Variants in GGT1 observed in about 807,000 individuals in gnomAD.
GGT1 encodes the protein glutathione hydrolase 1 proenzyme.
GGT1 carries 21 observed loss-of-function variants against 56.0 expected under a neutral mutation model. The observed-to-expected ratio is 0.38, with a 90% CI of 0.27 to 0.54. The LOEUF (loss-of-function observed/expected upper bound fraction) is 0.54. Ranked by LOEUF, GGT1 falls within the 20% of genes least tolerant of loss-of-function variation. The probability of loss-of-function intolerance (pLI) is 0.82; values close to 1 mark genes in which losing one functional copy is unlikely to be tolerated. For missense variants in GGT1, 466 were observed against 787.0 expected (o/e 0.59, Z 4.88); for synonymous variants, 238 against 342.6 (o/e 0.69, Z 3.37).
chr22:24,616,914 G>C (rs6004200), intron 7 of GGT1, among the ~76,000 whole-genome samples: 1 of 152,256 alleles, frequency 6.6e-6, no homozygotes, highest in South Asian at 2.1e-4. Flanking sequence ...CTCAGGGTAA[G>C]AGAATGCGGG....
chr22:24,620,466 T>C lies in GGT1; in HGVS notation c.521T>C (p.Leu174Ser). ...CAGGGCTTCCCCGTGGGCAAGGGCT[T>C]GGCGGCAGCCCTGGAAAACAAGCGG... ...ARQGFPVGKG[L>S]AAALENKRTV... The change falls in exon 8 of 16, where the codon TTG (leucine) becomes TCG (serine). Residue 174 changes from leucine (L) to serine (S), a missense_variant. By Grantham distance (145) the Leu-to-Ser change is moderately radical (BLOSUM62 -2). Around this residue, in one of 2 missense-constraint regions of GGT1, gnomAD observed 456 missense variants for 716.7 expected, o/e 0.64. Coordinates refer to ENST00000400382, the MANE Select transcript of GGT1 (RefSeq NM_001288833.2). This position sits in a 1 kb window ranked among gnomAD's most constrained non-coding sequence, Gnocchi z 5.6. 6.2e-7 allele frequency: 1 copy of C among 1,611,824 alleles called. No homozygotes were observed.
Position 24,623,737 on chromosome 22 carries a change from G to A in GGT1, c.884-43G>A, listed in dbSNP as rs1190485509. 1.9e-6 allele frequency: 3 copies of A among 1,591,834 alleles called. No individual in the cohort carries two copies. In the South Asian group the frequency reaches 3.3e-5, roughly 18 times the overall value. The stretch of plus-strand genomic sequence containing the variant: ...GTGTTAACCCTCTGAGCCCCTCAGA[G>A]CCTCTGGGGCTCAGCAACATGCACC... On this transcript the variant is annotated intron_variant, in intron 10 of 15. Coordinates refer to ENST00000400382, the MANE Select transcript of GGT1 (RefSeq NM_001288833.2).
intron 1 of GGT1, among the ~76,000 whole-genome samples, chr22:24,597,340 C>T (rs542823851): frequency 1.3e-5 from 2 of 152,248 alleles, no homozygotes; most frequent in Admixed American, 6.5e-5. Flanking sequence ...TGTAGAGACT[C>T]TATTTCCAAA....
chr22:24,603,125 C>CG (rs1166543272), upstream of GGT1: 1 of 152,132 alleles, frequency 6.6e-6, no homozygotes, highest in Non-Finnish European at 1.5e-5. Context: ...CTCCCCTCCC[C>CG]CCGCCCCGCC....
At chr22:24,619,865 G>C (rs1335407598) in intron 7 of GGT1, among the ~76,000 whole-genome samples, 3 of 150,784 alleles carry the variant, frequency 2.0e-5, no homozygotes, top group Non-Finnish European at 4.4e-5. Flanking sequence ...AGACATGCAG[G>C]CACCTGCACA....
intron 1 of GGT1, among the ~76,000 whole-genome samples, chr22:24,597,684 A>ACACACACAC (rs60798811): frequency 0.013 from 1,984 of 148,808 alleles, 37 homozygotes; most frequent in African/African-American, 0.045. Context: ...CCATCTCAAA[A>ACACACACAC]ACACACACAC....
chr22:24,588,517 G>C, the GGT1 span: 1 of 756,964 alleles, frequency 1.3e-6, no homozygotes, highest in Non-Finnish European at 2.1e-6. Context: ...AGAGCCAGGG[G>C]AGGCTGCCCT....
At chr22:24,605,828 G>A (rs868697760) in intron 1 of GGT1, among the ~76,000 whole-genome samples, 28 of 58,998 alleles carry the variant, frequency 4.7e-4, no homozygotes, top group African/African-American at 2.6e-3. Flanking sequence ...TATATTATAT[G>A]ATGTGTATTA....
the GGT1 span, chr22:24,583,840 G>C: frequency 2.1e-6 from 1 of 469,214 alleles, no homozygotes; most frequent in African/African-American, 2.0e-5. Flanking sequence ...TTGAGAGTTT[G>C]TGGGCTGGCT....
Position 24,605,238 on chromosome 22 carries a change from TATATATTATATA to T in GGT1, c.-429+1716_-429+1727del, listed in dbSNP as rs1446772778. ...ATATATTATATAATATGTATTATAT[TATATATTATATA>T]ATATGTATTATATATTATATAATAT... is the stretch of plus-strand genomic sequence containing the variant. On this transcript the variant is annotated intron_variant, in intron 1 of 15. Transcript: ENST00000400382. 4.4e-5 allele frequency among the ~76,000 whole-genome samples: 2 copies of T among 45,050 alleles called. 1 individual carries two copies. Among genetic ancestry groups the T allele is most frequent in the Non-Finnish European group, 7.1e-5 (2 of 28,218 alleles). The allele number at this position is 45,050 out of a possible 152,430, so 29.6% of individuals were successfully genotyped here.
chr22:24,607,862 G>C, intron 1 of GGT1, 92 bp from the exon 2 acceptor site: 2 of 396,802 alleles, frequency 5.0e-6, no homozygotes, highest in Non-Finnish European at 1.0e-5. Context: ...CCACAGGCGT[G>C]GCTCTGAGCC....
At chr22:24,585,779 T>TACACTGG in the GGT1 span, 1 of 1,170,038 alleles carries the variant, frequency 8.5e-7, no homozygotes, top group Admixed American at 2.7e-5. Flanking sequence ...GCTGAGCATT[T>TACACTGG]ACACTGGATT....
intron 5 of GGT1, among the ~76,000 whole-genome samples, chr22:24,613,016 T>G (rs1300166198): frequency 6.6e-6 from 1 of 152,142 alleles, no homozygotes; most frequent in Non-Finnish European, 1.5e-5. Context: ...TATTTTAGAC[T>G]CTTATCTCAT....
chr22:24,605,554 T>A (rs1378932232), intron 1 of GGT1, among the ~76,000 whole-genome samples: 1 of 53,032 alleles, frequency 1.9e-5, no homozygotes, highest in Non-Finnish European at 2.8e-5. Flanking sequence ...GTATTATATA[T>A]TATATAATAT....
At chr22:24,593,796 AAAAAG>A (rs1555896198), upstream of GGT1, among the ~76,000 whole-genome samples, 36 of 151,784 alleles carry the variant, frequency 2.4e-4, no homozygotes, top group African/African-American at 4.8e-4. Context: ...CAAAAAAAAA[AAAAAG>A]AAAAGAAAAG....
At chr22:24,604,263 A>G (rs2045892841) in intron 1 of GGT1, among the ~76,000 whole-genome samples, 1 of 152,098 alleles carries the variant, frequency 6.6e-6, no homozygotes. Flanking sequence ...ACCTCGTAAA[A>G]TCCCTTTTGT....
At chr22:24,588,326 A>T in the GGT1 span, 1 of 1,611,206 alleles carries the variant, frequency 6.2e-7, no homozygotes, top group Non-Finnish European at 8.5e-7. Context: ...CAGAGCTCAT[A>T]GTCCTGTGGG....
rs750262315 is a variant in GGT1 at position 24,628,048 on chromosome 22, A to G, written c.1337-33A>G. 5.0e-6 allele frequency: 8 copies of G among 1,611,164 alleles called. 1 individual carries two copies. In the South Asian group the frequency reaches 6.6e-5, roughly 13 times the overall value. On this transcript the variant is annotated intron_variant, in intron 13 of 15. Transcript: ENST00000400382. This position sits in a 1 kb window ranked among gnomAD's most constrained non-coding sequence, Gnocchi z 5.7. ...GGCGGGTGTCCTGGGCAGGCAGCTG[A>G]CGGGCATCCCTGTCTTCTCCCATCG...
rs116106393 is a variant in GGT1 at position 24,595,336 on chromosome 22, C to T, written c.-324+450C>T. ...TGGCCTAACCTGACTTGGACAGCAGCCCCCAGAGGCACAGCTCTCCCCTCA... is the reference window on the plus strand; with the variant it reads ...TGGCCTAACCTGACTTGGACAGCAGTCCCCAGAGGCACAGCTCTCCCCTCA... On this transcript the variant is annotated intron_variant, in intron 1 of 6. Transcript: ENST00000411974. Among the ~76,000 whole-genome samples, 203 of 152,276 alleles carry T rather than the reference C, an allele frequency of 1.3e-3. 1 individual carries two copies. The highest frequency in any genetic ancestry group is 4.6e-3 in the African/African-American group (190 of 41,546).
Sources: allele counts gnomAD v4.1 joint callset (sites outside exome capture counted in the v4.1 genomes callset), GRCh38; gene constraint gnomAD v4.1.1; regional missense constraint gnomAD v4.1.1; non-coding constraint Gnocchi (gnomAD v3.1); transcripts MANE v1.5; gene names NCBI Gene and HGNC (gene_info 2026-07-23, HGNC 2026-07-21).